The following KIF5B variants were observed in gnomAD, a reference collection of about 807,000 sequenced individuals.
The protein encoded by KIF5B is kinesin-1 heavy chain.
A neutral mutation model predicts 132.8 loss-of-function variants in KIF5B; 49 were observed. The observed-to-expected ratio is 0.37, with a 90% CI of 0.29 to 0.47. KIF5B has a LOEUF of 0.47. Among genes scored for constraint, KIF5B ranks in the 20% least tolerant of loss-of-function variants. The pLI is 1.00. For synonymous variants in KIF5B, 355 were observed against 369.4 expected (o/e 0.96, Z 0.45); for missense variants, 780 against 1,144.0 (o/e 0.68, Z 4.59).
chr10:32,014,158 T>A (rs1238317281), intron 25 of KIF5B, among the ~76,000 whole-genome samples: 1 of 152,224 alleles, frequency 6.6e-6, no homozygotes, highest in Admixed American at 6.5e-5. Flanking sequence ...GACCAATTAT[T>A]AGGCAACCAC....
At chr10:32,032,140 A>G (rs965327477) in intron 13 of KIF5B, among the ~76,000 whole-genome samples, 1 of 152,076 alleles carries the variant, frequency 6.6e-6, no homozygotes, top group African/African-American at 2.4e-5. Context: ...AGTGTTAATA[A>G]TAGGGTAGAA....
chr10:32,041,040 A>G (rs916204521), intron 2 of KIF5B, among the ~76,000 whole-genome samples: 1 of 151,134 alleles, frequency 6.6e-6, no homozygotes, highest in Non-Finnish European at 1.5e-5. Context: ...CAGCTACTCG[A>G]AAGACTAAGG....
At chr10:32,024,744 G>A (rs900527599) in intron 15 of KIF5B, among the ~76,000 whole-genome samples, 2 of 151,630 alleles carry the variant, frequency 1.3e-5, no homozygotes, top group Non-Finnish European at 2.9e-5. Context: ...CAACCTAGGC[G>A]ACAGAGCGAG....
chr10:32,041,173 T>C (rs1841533769), intron 2 of KIF5B, among the ~76,000 whole-genome samples: 3 of 150,768 alleles, frequency 2.0e-5, no homozygotes, highest in South Asian at 4.2e-4. Context: ...ACCAAAATTA[T>C]TTGTGGAAAG....
intron 2 of KIF5B, among the ~76,000 whole-genome samples, chr10:32,046,570 A>G (rs1391224811): frequency 1.3e-5 from 2 of 152,064 alleles, no homozygotes; most frequent in South Asian, 2.1e-4. Flanking sequence ...ATTTTCTGCG[A>G]TCTTATTCTT....
chr10:32,036,972 A>G (rs1051780550), intron 8 of KIF5B, among the ~76,000 whole-genome samples: 2 of 146,250 alleles, frequency 1.4e-5, no homozygotes, highest in Non-Finnish European at 3.1e-5. Flanking sequence ...GATATCTAAT[A>G]AAGTTTATAA....
intron 25 of KIF5B, among the ~76,000 whole-genome samples, chr10:32,014,041 G>A (rs1261173277): frequency 1.3e-5 from 2 of 152,110 alleles, no homozygotes; most frequent in Non-Finnish European, 2.9e-5. Context: ...GTATTTGTCA[G>A]AAACAGCTGA....
intron 10 of KIF5B, 109 bp from the exon 11 acceptor site, chr10:32,034,947 T>A (rs1461298932): frequency 1.3e-6 from 1 of 760,862 alleles, no homozygotes; most frequent in East Asian, 3.3e-5. Flanking sequence ...TGTCCAGTAA[T>A]CTCTTAGACT....
rs201746852 is a variant in KIF5B, at chr10:32,023,018, T to C, written c.1744A>G (p.Met582Val). 3.0e-5 allele frequency: 48 copies of C among 1,586,812 alleles called. No homozygotes were observed. Among genetic ancestry groups the C allele is most frequent in the Middle Eastern group, 1.7e-4 (1 of 5,990 alleles). The change falls in exon 16 of 26, where the codon ATG becomes GTG. Residue 582 changes from methionine to valine, a missense_variant. Around this residue, in one of 9 missense-constraint regions of KIF5B, gnomAD observed 471 missense variants for 569.9 expected, o/e 0.83. Coordinates refer to ENST00000302418, the MANE Select transcript of KIF5B (RefSeq NM_004521.3). Reference sequence around the variant, plus strand: ...GCAACAGTGAACTCTTCATCTATCATGCCAGTTCCCTCAGGCTGCTGTAAG... The same window carrying C: ...GCAACAGTGAACTCTTCATCTATCACGCCAGTTCCCTCAGGCTGCTGTAAG... ...NDVKQPEGTG[M>V]IDEEFTVARL... is the part of the protein sequence containing the mutation.
intron 14 of KIF5B, 37 bp downstream of exon 14, chr10:32,031,036 C>T (rs769939168): frequency 1.4e-6 from 2 of 1,435,090 alleles, no homozygotes; most frequent in Admixed American, 1.7e-5. Flanking sequence ...AATACTTGTA[C>T]TAAAGCATTA....
chr10:32,027,288 T>C (rs1564465658), intron 15 of KIF5B, among the ~76,000 whole-genome samples: 1 of 152,168 alleles, frequency 6.6e-6, no homozygotes, highest in African/African-American at 2.4e-5. Context: ...TTTCATGTTA[T>C]ATGCATGGTT....
intron 7 of KIF5B, 38 bp from the exon 8 acceptor site, chr10:32,037,416 G>A: frequency 6.2e-7 from 1 of 1,605,616 alleles, no homozygotes; most frequent in Non-Finnish European, 8.5e-7. Flanking sequence ...AAACAAACAT[G>A]ATTTCCCCTT....
intron 8 of KIF5B, 21 bp downstream of exon 8, chr10:32,037,233 C>A: frequency 1.2e-6 from 2 of 1,602,246 alleles, no homozygotes; most frequent in South Asian, 2.3e-5. Flanking sequence ...AAATATTTGT[C>A]AAAATACATG....
At chr10:32,017,083 C>G in intron 24 of KIF5B, 60 bp downstream of exon 24, 1 of 1,374,458 alleles carries the variant, frequency 7.3e-7, no homozygotes, top group Non-Finnish European at 1.0e-6. Context: ...ATTACGTTTT[C>G]CACTAAATGA....
chr10:32,046,572 C>T (rs1036847941), intron 2 of KIF5B, among the ~76,000 whole-genome samples: 5 of 152,100 alleles, frequency 3.3e-5, no homozygotes, highest in African/African-American at 9.7e-5. Context: ...TTTCTGCGAT[C>T]TTATTCTTTC....
rs772581106 is a variant in KIF5B, at chr10:32,038,237, T to C, written c.443-19A>G. The C allele has an allele frequency of 6.3e-7, 1 of 1,577,442 alleles. No homozygotes were observed. Among genetic ancestry groups the C allele is most frequent in the Non-Finnish European group, 8.7e-7 (1 of 1,149,884 alleles). On this transcript the variant is annotated intron_variant, in intron 5 of 25. Coordinates refer to ENST00000302418, the MANE Select transcript of KIF5B (RefSeq NM_004521.3). The stretch of plus-strand genomic sequence containing the variant: ...TTTGAAACTGAGAAAGAAAAACAAA[T>C]GTTAGCAACATTCTCCTAAAACTCT...
chr10:32,027,751 T>C (rs1841352182), intron 15 of KIF5B, among the ~76,000 whole-genome samples: 1 of 151,886 alleles, frequency 6.6e-6, no homozygotes, highest in Non-Finnish European at 1.5e-5. Context: ...TGTATCACCA[T>C]GCCTACATGC....
At chr10:32,038,583 T>C (rs1029055157) in intron 5 of KIF5B, among the ~76,000 whole-genome samples, 195 bp downstream of exon 5, 5 of 152,226 alleles carry the variant, frequency 3.3e-5, no homozygotes, top group African/African-American at 7.2e-5. Context: ...TACTAAGAAG[T>C]ACCCATAAAC....
chr10:32,046,300 A>C (rs1216737308), intron 2 of KIF5B, among the ~76,000 whole-genome samples: 1 of 152,190 alleles, frequency 6.6e-6, no homozygotes, highest in African/African-American at 2.4e-5. Context: ...TCAATCAAAG[A>C]ATGTAGTAAA....
Sources: gnomAD v4.1 joint callset for allele counts (sites outside exome capture counted in the v4.1 genomes callset) on GRCh38, gnomAD v4.1.1 for gene constraint, gnomAD v4.1.1 regional missense constraint, MANE v1.5 for transcripts, NCBI Gene and HGNC (gene_info 2026-07-23, HGNC 2026-07-21) for gene names.